Variants in XPR1 observed in about 807,000 individuals in gnomAD.
The protein encoded by XPR1 is xenotropic and polytropic retrovirus receptor 1, also known as solute carrier family 53 member 1.
XPR1 carries 28 observed loss-of-function variants against 87.5 expected under a neutral mutation model. The ratio of observed to expected loss-of-function variants is 0.32; its 90% CI spans 0.24 to 0.44. XPR1 has a LOEUF of 0.44. Ranked by LOEUF, XPR1 falls within the 20% of genes least tolerant of loss-of-function variation. XPR1 has a pLI of 1.00. For synonymous variants in XPR1, 300 were observed against 306.1 expected (o/e 0.98, Z 0.21); for missense variants, 559 against 862.3 (o/e 0.65, Z 4.41).
At chr1:180,693,999 C>G (rs1657080477) in intron 2 of XPR1, among the ~76,000 whole-genome samples, 1 of 152,146 alleles carries the variant, frequency 6.6e-6, no homozygotes, top group Non-Finnish European at 1.5e-5. Context: ...ACTCTGTCAT[C>G]TAGGCTGTAG....
chr1:180,663,921 T>C (rs1655868516), intron 1 of XPR1, among the ~76,000 whole-genome samples: 1 of 152,146 alleles, frequency 6.6e-6, no homozygotes, highest in Non-Finnish European at 1.5e-5. Flanking sequence ...ACCAACACTA[T>C]AGGGCCACAG....
At chr1:180,782,265 TG>T (rs1251469864) in intron 2 of XPR1, among the ~76,000 whole-genome samples, 1 of 152,080 alleles carries the variant, frequency 6.6e-6, no homozygotes, top group African/African-American at 2.4e-5. Flanking sequence ...CTTAGTCTTT[TG>T]TGACTAATTA....
intron 3 of XPR1, among the ~76,000 whole-genome samples, chr1:180,791,557 A>C (rs887307855): frequency 6.9e-6 from 1 of 143,886 alleles, no homozygotes; most frequent in East Asian, 1.9e-4. Flanking sequence ...GATTACAGAC[A>C]TGTAGATACT....
At chr1:180,850,984 A>C (rs936132749) in intron 11 of XPR1, among the ~76,000 whole-genome samples, 1 of 150,774 alleles carries the variant, frequency 6.6e-6, no homozygotes, top group Non-Finnish European at 1.5e-5. Flanking sequence ...AAAAAGGATT[A>C]TAGTATCCTT....
chr1:180,837,554 G>A (rs1175120232), intron 11 of XPR1, among the ~76,000 whole-genome samples: 3 of 151,798 alleles, frequency 2.0e-5, no homozygotes, highest in South Asian at 2.1e-4. Flanking sequence ...TGTGTCTAAC[G>A]GTCATAAAAG....
At chr1:180,814,977 A>G (rs1410890941) in intron 7 of XPR1, among the ~76,000 whole-genome samples, 1 of 152,072 alleles carries the variant, frequency 6.6e-6, no homozygotes, top group Non-Finnish European at 1.5e-5. Context: ...AGAATATTAG[A>G]TGATAAGGGT....
At position 180,787,732 on chromosome 1, in the gene XPR1, T is replaced by C. The variant is rs374136281; in HGVS notation, c.122-21T>C. The stretch of plus-strand genomic sequence containing the variant: ...TTGGCCTTTGGACATTAAATTTAAA[T>C]ATTGTTTTCCTGTCTTTCAGTTACA... On this transcript the variant is annotated intron_variant, in intron 2 of 14. Transcript: ENST00000367590. 3.3e-6 allele frequency: 5 copies of C among 1,524,478 alleles called. No homozygotes were observed. In the African/African-American group the frequency reaches 7.0e-5, roughly 21 times the overall value. The allele number at this position is 1,524,478 out of a possible 1,614,324, so 94.4% of individuals were successfully genotyped here.
At chr1:180,730,646 T>C (rs1030945666) in intron 2 of XPR1, among the ~76,000 whole-genome samples, 10 of 152,080 alleles carry the variant, frequency 6.6e-5, no homozygotes, top group South Asian at 4.1e-4. Flanking sequence ...GGCAAATTTT[T>C]CCCCCACTGT....
intron 7 of XPR1, among the ~76,000 whole-genome samples, chr1:180,819,185 C>T (rs1650521434): frequency 1.3e-5 from 2 of 152,152 alleles, no homozygotes; most frequent in South Asian, 2.1e-4. Flanking sequence ...AACTCTTTGC[C>T]TCCAGTGATC....
chr1:180,824,424 T>C (rs1650749191), intron 7 of XPR1, among the ~76,000 whole-genome samples: 1 of 151,926 alleles, frequency 6.6e-6, no homozygotes. Flanking sequence ...GTACTAAAAA[T>C]ACAACAATTA....
At chr1:180,659,082 TCCTTCCTTCCTCCCTCCCTC>T (rs1655640482) in intron 1 of XPR1, among the ~76,000 whole-genome samples, 3 of 151,290 alleles carry the variant, frequency 2.0e-5, no homozygotes, top group Non-Finnish European at 4.4e-5. Flanking sequence ...CTTCCTTCCT[TCCTTCCTTCCTCCCTCCCTC>T]CCTCCCTTCC....
At chr1:180,741,385 C>T (rs756815591) in intron 2 of XPR1, among the ~76,000 whole-genome samples, 7 of 151,874 alleles carry the variant, frequency 4.6e-5, no homozygotes, top group Non-Finnish European at 8.8e-5. Context: ...AGGCTGGTCT[C>T]GAACTCCTGA....
chr1:180,822,083 A>G (rs1034766354), intron 7 of XPR1, among the ~76,000 whole-genome samples: 14 of 152,188 alleles, frequency 9.2e-5, no homozygotes, highest in Admixed American at 1.3e-4. Context: ...TAGTCTGTTC[A>G]CTTAACAGCT....
intron 3 of XPR1, among the ~76,000 whole-genome samples, chr1:180,790,983 A>C (rs182249191): frequency 3.9e-5 from 6 of 152,332 alleles, no homozygotes; most frequent in African/African-American, 9.6e-5. Flanking sequence ...CCAGCAATGT[A>C]GACAGAGAAG....
At chr1:180,640,805 A>G (rs577206228) in intron 1 of XPR1, among the ~76,000 whole-genome samples, 29 of 152,230 alleles carry the variant, frequency 1.9e-4, no homozygotes, top group Non-Finnish European at 3.5e-4. Context: ...AAGGGTAAAA[A>G]GAGGAGGACA....
chr1:180,862,624 A>G (rs1471322175), intron 11 of XPR1, among the ~76,000 whole-genome samples: 1 of 152,136 alleles, frequency 6.6e-6, no homozygotes, highest in Non-Finnish European at 1.5e-5. Flanking sequence ...ATAATGAATG[A>G]ATGTTTCACT....
At chr1:180,773,293 G>A (rs1648591051) in intron 2 of XPR1, among the ~76,000 whole-genome samples, 2 of 152,134 alleles carry the variant, frequency 1.3e-5, no homozygotes, top group South Asian at 4.1e-4. Context: ...TTAAGGTCCA[G>A]AGATAAGGAA....
At chr1:180,748,676 C>T (rs374173355) in intron 2 of XPR1, among the ~76,000 whole-genome samples, 67 of 152,072 alleles carry the variant, frequency 4.4e-4, no homozygotes, top group African/African-American at 1.5e-3. Flanking sequence ...CCTCAGCCTC[C>T]CAAAGTGCTG....
At chr1:180,717,467 A>G (rs1211779416) in intron 2 of XPR1, among the ~76,000 whole-genome samples, 1 of 152,126 alleles carries the variant, frequency 6.6e-6, no homozygotes, top group Non-Finnish European at 1.5e-5. Flanking sequence ...ACTTATAACC[A>G]AAGAGTATTG....
Sources: allele counts gnomAD v4.1 joint callset (sites outside exome capture counted in the v4.1 genomes callset), GRCh38; gene constraint gnomAD v4.1.1; transcripts MANE v1.5; gene names NCBI Gene and HGNC (gene_info 2026-07-23, HGNC 2026-07-21).